Variants in KSR2 observed in about 807,000 individuals in gnomAD.
KSR2 encodes kinase suppressor of ras 2.
A neutral mutation model predicts 107.8 loss-of-function variants in KSR2; 25 were observed. The ratio of observed to expected loss-of-function variants is 0.23; its 90% CI spans 0.17 to 0.32. The LOEUF (loss-of-function observed/expected upper bound fraction) is 0.32, where lower values mean the gene tolerates loss of function less well. KSR2 is among the 10% of genes least tolerant of loss of function. The probability of loss-of-function intolerance (pLI) is 1.00; values close to 1 mark genes in which losing one functional copy is unlikely to be tolerated. For synonymous variants in KSR2, 480 were observed against 507.0 expected (o/e 0.95, Z 0.71); for missense variants, 887 against 1,268.9 (o/e 0.70, Z 4.57).
chr12:117,696,608 T>C (rs1033363280), intron 4 of KSR2, among the ~76,000 whole-genome samples: 11 of 152,092 alleles, frequency 7.2e-5, no homozygotes, highest in Non-Finnish European at 1.5e-4. Context: ...CTGTGATATT[T>C]TAGTGATGTT....
chr12:117,645,118 A>G (rs188328299), intron 5 of KSR2, among the ~76,000 whole-genome samples: 3 of 152,314 alleles, frequency 2.0e-5, no homozygotes, highest in East Asian at 3.9e-4. Context: ...TGATACACTT[A>G]GAACTGTGAA....
intron 4 of KSR2, among the ~76,000 whole-genome samples, chr12:117,746,527 G>A (rs1009743489): frequency 6.6e-6 from 1 of 152,104 alleles, no homozygotes; most frequent in African/African-American, 2.4e-5. Flanking sequence ...CAAGGGCAAG[G>A]ACTTCATGAC....
chr12:117,808,504 A>G (rs1365443894), intron 3 of KSR2, among the ~76,000 whole-genome samples: 1 of 152,182 alleles, frequency 6.6e-6, no homozygotes, highest in Non-Finnish European at 1.5e-5. Flanking sequence ...TACCTCAAAG[A>G]GTTGGTATGA....
At chr12:117,794,387 G>A (rs1890508503) in intron 3 of KSR2, among the ~76,000 whole-genome samples, 1 of 32,498 alleles carries the variant, frequency 3.1e-5, no homozygotes, top group Non-Finnish European at 5.0e-5. Context: ...ACACCAACAT[G>A]CACACTCACA....
chr12:117,869,661 T>C (rs1893588149), intron 1 of KSR2, among the ~76,000 whole-genome samples: 1 of 152,240 alleles, frequency 6.6e-6, no homozygotes, highest in African/African-American at 2.4e-5. Context: ...TAGTAAGCCC[T>C]GAGGGTCTTT....
intron 14 of KSR2, 82 bp from the exon 15 acceptor site, chr12:117,485,773 G>T: frequency 2.1e-6 from 2 of 935,166 alleles, no homozygotes; most frequent in Non-Finnish European, 3.5e-6. Flanking sequence ...AGTGACAAAT[G>T]ATGGCATAGA....
chr12:117,740,137 T>C (rs1157983224), intron 4 of KSR2, among the ~76,000 whole-genome samples: 1 of 150,588 alleles, frequency 6.6e-6, no homozygotes, highest in East Asian at 2.0e-4. Context: ...TGCCTTTGCA[T>C]CCTCATACCT....
intron 5 of KSR2, among the ~76,000 whole-genome samples, chr12:117,651,487 G>C (rs757057604): frequency 2.0e-5 from 3 of 152,206 alleles, no homozygotes; most frequent in Non-Finnish European, 4.4e-5. Context: ...TGGGATAATG[G>C]GGGAAGGAAC....
At chr12:117,592,571 A>C (rs535609098) in intron 5 of KSR2, among the ~76,000 whole-genome samples, 1 of 152,160 alleles carries the variant, frequency 6.6e-6, no homozygotes, top group African/African-American at 2.4e-5. Flanking sequence ...TAGAGTCATC[A>C]CCTGTGATTT....
intron 1 of KSR2, among the ~76,000 whole-genome samples, chr12:117,872,565 C>CAA (rs554495336): frequency 8.1e-5 from 10 of 123,158 alleles, no homozygotes; most frequent in East Asian, 2.3e-4. Context: ...ACGCTGTCTC[C>CAA]AAAAAAAAAA....
chr12:117,621,764 G>A (rs1429845267), intron 5 of KSR2, among the ~76,000 whole-genome samples: 2 of 152,060 alleles, frequency 1.3e-5, no homozygotes, highest in Non-Finnish European at 2.9e-5. Flanking sequence ...TACTATTTTT[G>A]CAACTTCTTG....
At chr12:117,696,216 C>T (rs1330772472) in intron 4 of KSR2, among the ~76,000 whole-genome samples, 1 of 152,182 alleles carries the variant, frequency 6.6e-6, no homozygotes, top group East Asian at 1.9e-4. Flanking sequence ...TCCAGGGAGG[C>T]TGCTGGGCCC....
intron 4 of KSR2, among the ~76,000 whole-genome samples, chr12:117,695,849 A>C (rs1235498818): frequency 6.6e-6 from 1 of 152,166 alleles, no homozygotes; most frequent in Non-Finnish European, 1.5e-5. Flanking sequence ...AAGACACCGG[A>C]AAGGTCGCCG....
At chr12:117,747,747 A>G (rs1027653600) in intron 4 of KSR2, among the ~76,000 whole-genome samples, 38 of 152,188 alleles carry the variant, frequency 2.5e-4, no homozygotes, top group African/African-American at 9.2e-4. Flanking sequence ...TAAAACCACA[A>G]TGAGATCTCA....
chr12:117,863,354 C>T (rs1242266676), intron 1 of KSR2, among the ~76,000 whole-genome samples: 1 of 152,170 alleles, frequency 6.6e-6, no homozygotes, highest in African/African-American at 2.4e-5. Flanking sequence ...ATCTGGAAGC[C>T]TCCTGACACT....
In KSR2 at chr12:117,667,644, C is replaced by T. The variant is rs1207425275; in HGVS notation, c.1001G>A (p.Ser334Asn). 1 of 1,586,952 alleles carries T rather than the reference C, an allele frequency of 6.3e-7. No homozygotes were observed. Among genetic ancestry groups the T allele is most frequent in the Non-Finnish European group, 8.6e-7 (1 of 1,167,808 alleles). Residue 334 changes from serine to asparagine, a missense_variant, in exon 5 of 20, where the codon AGC (serine) becomes AAC (asparagine). This residue lies in a region of KSR2 where 399 missense variants were observed against 479.5 expected (regional missense o/e 0.83). Transcript: ENST00000339824. ...EAHTPKAKKKSKPLNLKIHSS... is the reference protein window; with the variant it reads ...EAHTPKAKKKNKPLNLKIHSS... ...GTGGATCTTGAGGTTCAAGGGTTTG[C>T]TCTTCTTCTTGGCTCTGAAAGGGAG... is the stretch of plus-strand genomic sequence containing the variant.
At chr12:117,787,299 G>A (rs1473046363) in intron 3 of KSR2, among the ~76,000 whole-genome samples, 1 of 152,196 alleles carries the variant, frequency 6.6e-6, no homozygotes, top group Non-Finnish European at 1.5e-5. Context: ...ACTCAAATGT[G>A]CATGGAATGA....
At chr12:117,733,332 C>T (rs1200800741) in intron 4 of KSR2, among the ~76,000 whole-genome samples, 1 of 152,154 alleles carries the variant, frequency 6.6e-6, no homozygotes, top group Non-Finnish European at 1.5e-5. Context: ...CTCTATCTCC[C>T]GGGCCATGAT....
intron 4 of KSR2, among the ~76,000 whole-genome samples, chr12:117,697,111 C>T (rs1343736129): frequency 6.6e-6 from 1 of 152,206 alleles, no homozygotes; most frequent in African/African-American, 2.4e-5. Flanking sequence ...GCACAGAGAA[C>T]AAACGAAGCT....
Sources: allele counts gnomAD v4.1 joint callset (sites outside exome capture counted in the v4.1 genomes callset), GRCh38; gene constraint gnomAD v4.1.1; regional missense constraint gnomAD v4.1.1; transcripts MANE v1.5; gene names NCBI Gene and HGNC (gene_info 2026-07-23, HGNC 2026-07-21).